Variants in FADS3 observed in about 807,000 individuals in gnomAD.
FADS3 encodes the protein cytochrome b5-related protein.
In FADS3, 30 loss-of-function variants were observed where a neutral mutation model predicts 60.4. The ratio of observed to expected loss-of-function variants is 0.50; its 90% CI spans 0.37 to 0.67. The LOEUF (loss-of-function observed/expected upper bound fraction) is 0.67, where lower values mean the gene tolerates loss of function less well. FADS3 is among the 30% of genes least tolerant of loss of function. The probability of loss-of-function intolerance (pLI) is 0.00; values close to 1 mark genes in which losing one functional copy is unlikely to be tolerated. For missense variants in FADS3, 432 were observed against 598.3 expected (o/e 0.72, Z 2.90); for synonymous variants, 234 against 249.3 (o/e 0.94, Z 0.58).
chr11:61,881,287 G>C (rs1938121780), intron 1 of FADS3: 1 of 152,268 alleles, frequency 6.6e-6, no homozygotes, highest in Admixed American at 6.5e-5. Context: ...AGAGAAGACA[G>C]ACCAGGAGAA....
At chr11:61,883,043 T>C (rs1938191321) in intron 1 of FADS3, among the ~76,000 whole-genome samples, 1 of 152,228 alleles carries the variant, frequency 6.6e-6, no homozygotes, top group Non-Finnish European at 1.5e-5. Context: ...TTTTTAAAAA[T>C]TGTAGTAAAA....
intron 1 of FADS3, among the ~76,000 whole-genome samples, chr11:61,883,753 C>T (rs1408030801): frequency 6.6e-6 from 1 of 152,212 alleles, no homozygotes; most frequent in Non-Finnish European, 1.5e-5. Flanking sequence ...TCCCGTTGGT[C>T]CTGATTCACC....
chr11:61,879,534 G>A (rs776878106), intron 2 of FADS3, 25 bp from the exon 3 acceptor site: 21 of 1,570,922 alleles, frequency 1.3e-5, no homozygotes, highest in Admixed American at 5.6e-5. Flanking sequence ...GGGCCGATCA[G>A]CCAAGGAAGA....
At position 61,873,635 on chromosome 11, in the gene FADS3, C is replaced by T. The variant is rs1937758546; in HGVS notation, c.*179G>A. ...TACCCCTGTCCCATCAGGCCCAGAG[C>T]CAAGGCCATAGGGCTGCTGAATACA... On this transcript the variant is annotated 3_prime_UTR_variant, in exon 12 of 12. Transcript: ENST00000278829. The T allele has an allele frequency of 3.2e-6, 2 of 626,288 alleles. No individual in the cohort carries two copies. Among genetic ancestry groups the T allele is most frequent in the Non-Finnish European group, 5.8e-6 (2 of 345,416 alleles). The allele number at this position is 626,288 out of a possible 1,614,324, so 38.8% of individuals were successfully genotyped here.
chr11:61,881,640 G>T (rs1938134064), intron 1 of FADS3: 1 of 152,156 alleles, frequency 6.6e-6, no homozygotes, highest in South Asian at 2.1e-4. Context: ...TTGCTAATGA[G>T]CCTACCAGCT....
chr11:61,888,359 T>C (rs1938382403), intron 1 of FADS3, among the ~76,000 whole-genome samples: 1 of 152,226 alleles, frequency 6.6e-6, no homozygotes, highest in South Asian at 2.1e-4. Context: ...CCGCCCGGGA[T>C]GGGATGCCTG....
chr11:61,881,948 G>A (rs1432967190), intron 1 of FADS3: 1 of 152,034 alleles, frequency 6.6e-6, no homozygotes, highest in African/African-American at 2.4e-5. Flanking sequence ...TTGAAGGAGG[G>A]GCAGCAAAAC....
chr11:61,883,942 G>C (rs958266303), intron 1 of FADS3, among the ~76,000 whole-genome samples: 11 of 152,242 alleles, frequency 7.2e-5, no homozygotes, highest in African/African-American at 2.7e-4. Context: ...GTGGGGCTGT[G>C]ACAGTTCCCT....
rs1937983593 is a variant in FADS3, at chr11:61,878,193, T to A, written c.770A>T (p.Tyr257Phe). ...CAGGTGCTGCTGGTTGTAGGGTAGG[T>A]ATCTGCGTTTCTTCTTGCCATACTG... Reference protein sequence around the residue: ...SVEYGKKKRRYLPYNQQHLYF... With the variant: ...SVEYGKKKRRFLPYNQQHLYF... Residue 257 changes from tyrosine (Y) to phenylalanine (F), a missense_variant, in exon 6 of 12, where the codon TAC (tyrosine) becomes TTC (phenylalanine). By Grantham distance (22) the Tyr-to-Phe change is conservative. Around this residue, in one of 5 missense-constraint regions of FADS3, gnomAD observed 116 missense variants for 208.9 expected, o/e 0.56. Transcript: ENST00000278829. The A allele has an allele frequency of 1.9e-6, 3 of 1,614,080 alleles. No homozygotes were observed. The highest frequency in any genetic ancestry group is 1.7e-6 in the Non-Finnish European group (2 of 1,179,992).
At chr11:61,889,378 G>A (rs527630376) in intron 1 of FADS3, among the ~76,000 whole-genome samples, 29 of 152,190 alleles carry the variant, frequency 1.9e-4, no homozygotes, top group African/African-American at 5.8e-4. Context: ...CCAGCCGGGC[G>A]TGGTGGCTCA....
rs1937924909 is a variant in FADS3, at chr11:61,877,103, T to C, written c.886-140A>G. 1 of 599,558 alleles carries C rather than the reference T, an allele frequency of 1.7e-6. No individual in the cohort carries two copies. The highest frequency in any genetic ancestry group is 2.9e-6 in the Non-Finnish European group (1 of 341,882). The allele number at this position is 599,558 out of a possible 1,614,324, so 37.1% of individuals were successfully genotyped here. A position where few individuals can be genotyped will look rare whatever the true frequency, so the allele number is the denominator to read the frequency against. On this transcript the variant is annotated intron_variant, in intron 7 of 11. Transcript: ENST00000278829. The surrounding 1 kb of genome is among the most constrained non-coding windows in gnomAD (Gnocchi z 4.7). ...GAGCCCAGGACAGGCCACCACCCTC[T>C]CTGGTTTTCTCAGCTGAGTAAAGGA...
chr11:61,886,491 C>T (rs1478162344), intron 1 of FADS3, among the ~76,000 whole-genome samples: 1 of 152,142 alleles, frequency 6.6e-6, no homozygotes, highest in South Asian at 2.1e-4. Context: ...CATTAGGGGA[C>T]TTTCAAGGCA....
Position 61,878,310 on chromosome 11 carries a change from G to C in FADS3, c.748-95C>G, listed in dbSNP as rs766402650. 2.1e-6 allele frequency: 3 copies of C among 1,435,640 alleles called. No individual in the cohort carries two copies. The African/African-American group carries it at 4.2e-5, about 20-fold the overall frequency. 88.9% of individuals were successfully genotyped at this position (1,435,640 alleles called of 1,614,324 possible). A position where few individuals can be genotyped will look rare whatever the true frequency, so the allele number is the denominator to read the frequency against. ...GGGCTGGCTGGGGCCAAGGGTCAAA[G>C]GCAACTCTAGATTCTAGCAAGCGGG... On this transcript the variant is annotated intron_variant, in intron 5 of 11. Transcript: ENST00000278829.
At chr11:61,891,555 G>A (rs1426958504), upstream of FADS3, 2 of 313,446 alleles carry the variant, frequency 6.4e-6, no homozygotes, top group African/African-American at 4.4e-5. Flanking sequence ...CGCGGCGCAG[G>A]GAACTCCCCG....
Position 61,877,809 on chromosome 11 carries a change from G to C in FADS3, c.809-222C>G. Reference sequence around the variant, plus strand: ...CACCCTTCACCGCAAGTCAGGGCCAGACTTGAGTCCTCACTCTGTCCGCCC... The same window carrying C: ...CACCCTTCACCGCAAGTCAGGGCCACACTTGAGTCCTCACTCTGTCCGCCC... On this transcript the variant is annotated intron_variant, in intron 6 of 11. Coordinates refer to ENST00000278829, the MANE Select transcript of FADS3 (RefSeq NM_021727.5). This position sits in a 1 kb window ranked among gnomAD's most constrained non-coding sequence, Gnocchi z 4.7. 1.7e-6 allele frequency: 1 copy of C among 602,412 alleles called. No individual in the cohort carries two copies. 37.3% of individuals were successfully genotyped at this position (602,412 alleles called of 1,614,324 possible). A position where few individuals can be genotyped will look rare whatever the true frequency, so the allele number is the denominator to read the frequency against.
At chr11:61,875,270 A>G (rs1021591229) in intron 11 of FADS3, among the ~76,000 whole-genome samples, 9 of 151,982 alleles carry the variant, frequency 5.9e-5, no homozygotes, top group African/African-American at 2.2e-4. Context: ...CAAAGGCACA[A>G]TCTCAGCTCA....
At chr11:61,881,375 C>A (rs1426028905) in intron 1 of FADS3, 1 of 152,208 alleles carries the variant, frequency 6.6e-6, no homozygotes, top group Non-Finnish European at 1.5e-5. Context: ...CCTGGGCTCA[C>A]TTAGCCTTCC....
rs755312764 is a variant in FADS3 at position 61,873,913 on chromosome 11, CA to C, written c.1287-49del. 2.2e-5 allele frequency: 29 copies of C among 1,295,892 alleles called. No individual in the cohort carries two copies. The Admixed American group carries it at 5.3e-4, about 23-fold the overall frequency. 80.3% of individuals were successfully genotyped at this position (1,295,892 alleles called of 1,614,324 possible). A position where few individuals can be genotyped will look rare whatever the true frequency, so the allele number is the denominator to read the frequency against. On this transcript the variant is annotated intron_variant, in intron 11 of 11. Transcript: ENST00000278829. ...GGGGTGGGTGTTAGGAGCTCAGTTG[CA>C]AGATCCTAACACCCCTGTATCCCCC... is the stretch of plus-strand genomic sequence containing the variant.
intron 1 of FADS3, among the ~76,000 whole-genome samples, chr11:61,885,243 G>A (rs1288270786): frequency 6.6e-6 from 1 of 152,018 alleles, no homozygotes; most frequent in Non-Finnish European, 1.5e-5. Context: ...TGGTCGGGGG[G>A]GTGTCCCAGA....
Sources: allele counts gnomAD v4.1 joint callset (sites outside exome capture counted in the v4.1 genomes callset), GRCh38; gene constraint gnomAD v4.1.1; regional missense constraint gnomAD v4.1.1; non-coding constraint Gnocchi (gnomAD v3.1); transcripts MANE v1.5; gene names NCBI Gene and HGNC (gene_info 2026-07-23, HGNC 2026-07-21).